The following LRRK1 variants were observed in gnomAD, a reference collection of about 807,000 sequenced individuals.
LRRK1 encodes leucine rich repeat kinase 1.
A neutral mutation model predicts 209.1 loss-of-function variants in LRRK1; 113 were observed. The observed-to-expected ratio is 0.54, with a 90% CI of 0.46 to 0.63. The LOEUF (loss-of-function observed/expected upper bound fraction) is 0.63. Among genes scored for constraint, LRRK1 ranks in the 30% least tolerant of loss-of-function variants. The pLI is 0.00. For missense variants in LRRK1, 2,284 were observed against 2,632.2 expected, an observed-to-expected ratio of 0.87 and a Z score of 2.89; for synonymous variants, 1,144 against 1,099.7, an observed-to-expected ratio of 1.04 and a Z score of -0.80.
chr15:101,032,627 T>C (rs59238701), intron 20 of LRRK1, among the ~76,000 whole-genome samples: 16,054 of 152,242 alleles, frequency 0.11, 1,330 homozygotes, highest in East Asian at 0.44. Flanking sequence ...AGAAGGTTTG[T>C]AGTTTAGCTT....
At chr15:100,973,727 C>T in intron 2 of LRRK1, 77 bp from the exon 3 acceptor site, 1 of 1,221,984 alleles carries the variant, frequency 8.2e-7, no homozygotes, top group Non-Finnish European at 1.0e-6. Context: ...CCGCCTCCTG[C>T]TGTGTTCCAC....
intron 31 of LRRK1, chr15:101,064,614 G>A (rs569280502): frequency 1.3e-4 from 19 of 151,198 alleles, no homozygotes; most frequent in South Asian, 4.1e-4. Flanking sequence ...CCCTGTCAAC[G>A]TCAGCTGAAC....
chr15:100,940,945 C>G (rs1267021980), intron 2 of LRRK1, among the ~76,000 whole-genome samples: 1 of 152,208 alleles, frequency 6.6e-6, no homozygotes, highest in Admixed American at 6.5e-5. Flanking sequence ...CTAGACCCTG[C>G]CTTGCAGAGA....
At chr15:101,046,471 T>C (rs576720565) in intron 21 of LRRK1, among the ~76,000 whole-genome samples, 10 of 152,296 alleles carry the variant, frequency 6.6e-5, no homozygotes, top group Non-Finnish European at 1.3e-4. Context: ...GAGGTTCTGA[T>C]TCAGTAGGTG....
chr15:100,980,626 T>A (rs1224278589), intron 3 of LRRK1, among the ~76,000 whole-genome samples: 2 of 152,220 alleles, frequency 1.3e-5, no homozygotes, highest in Non-Finnish European at 2.9e-5. Context: ...GGAAACTGGA[T>A]GAAGGATACT....
intron 6 of LRRK1, among the ~76,000 whole-genome samples, chr15:101,004,397 C>G (rs1451331390): frequency 6.6e-6 from 1 of 151,974 alleles, no homozygotes; most frequent in East Asian, 1.9e-4. Flanking sequence ...GATGATTGAT[C>G]TGGTAAGAAG....
At position 101,051,836 on chromosome 15, in the gene LRRK1, G is replaced by A. The variant is rs769551074; in HGVS notation, c.3565G>A (p.Asp1189Asn). 6.2e-6 allele frequency: 10 copies of A among 1,614,012 alleles called. No homozygotes were observed. The East Asian group carries it at 6.7e-5, about 11-fold the overall frequency. Reference protein sequence around the residue: ...SEKSEDVQYFDMEDCVLTAIE... With the variant: ...SEKSEDVQYFNMEDCVLTAIE... ...GAAATCAGAGGATGTGCAGTACTTC[G>A]ACATGGAAGACTGTGTCCTGACGGC... Residue 1189 changes from aspartate (D) to asparagine (N), a missense_variant, in exon 24 of 34, where the codon GAC becomes AAC. Physicochemically the swap from Asp to Asn is conservative, Grantham distance 23. Around this residue, in one of 6 missense-constraint regions of LRRK1, gnomAD observed 780 missense variants for 985.2 expected, o/e 0.79. Transcript: ENST00000388948.
At chr15:101,068,590 T>C in intron 33 of LRRK1, 81 bp from the exon 34 acceptor site, 1 of 1,427,158 alleles carries the variant, frequency 7.0e-7, no homozygotes. Flanking sequence ...TCCGCCTTCC[T>C]CAGAAGGCAC....
At position 101,076,559 on chromosome 15, in the gene LRRK1, C is replaced by T. The variant is rs1250096030; in HGVS notation, c.*7711C>T. The T allele has an allele frequency of 6.6e-6, 1 of 152,408 alleles. No individual in the cohort carries two copies. The highest frequency in any genetic ancestry group is 1.5e-5 in the Non-Finnish European group (1 of 68,218). The allele number at this position is 152,408 out of a possible 1,614,324, so 9.4% of individuals were successfully genotyped here. On this transcript the variant is annotated 3_prime_UTR_variant, in exon 34 of 34. Coordinates refer to ENST00000388948, the MANE Select transcript of LRRK1 (RefSeq NM_024652.6). Reference sequence around the variant, plus strand: ...TTCCACCAGGCCTAATGGCCACACACCAGCAAAGGCAGGCTGTGCTATAGT... The same window carrying T: ...TTCCACCAGGCCTAATGGCCACACATCAGCAAAGGCAGGCTGTGCTATAGT...
At chr15:101,044,884 C>T (rs985753180) in intron 20 of LRRK1, among the ~76,000 whole-genome samples, 2 of 152,224 alleles carry the variant, frequency 1.3e-5, no homozygotes, top group African/African-American at 4.8e-5. Context: ...AAGGACTTTT[C>T]AGATGTAAAG....
chr15:100,985,687 C>T (rs934128778), intron 4 of LRRK1, among the ~76,000 whole-genome samples: 3 of 152,210 alleles, frequency 2.0e-5, no homozygotes, highest in Non-Finnish European at 4.4e-5. Flanking sequence ...GGCTGAACCT[C>T]GTCATGGTTT....
intron 20 of LRRK1, chr15:101,043,594 C>T (rs184729218): frequency 1.4e-4 from 20 of 145,378 alleles, no homozygotes; most frequent in East Asian, 1.2e-3. Flanking sequence ...ATGTATAAAA[C>T]GTACACGTAT....
chr15:101,065,618 G>A lies in LRRK1; in HGVS notation c.5181G>A (p.Leu1727=), dbSNP rs138014754. The A allele has an allele frequency of 7.4e-5, 120 of 1,614,184 alleles. 1 individual carries two copies. In the African/African-American group the frequency reaches 1.3e-3, roughly 18 times the overall value. ...DCASLEICRR[L]EPYMAPSMVT... is the part of the protein sequence containing the mutation. ...CCTCCCTGGAGATCTGCAGGCGGCT[G>A]GAGCCCTACATGGCCCCCTCCATGG... Residue 1727 remains leucine, a synonymous_variant, in exon 32 of 34, where the codon CTG becomes CTA. Coordinates refer to ENST00000388948, the MANE Select transcript of LRRK1 (RefSeq NM_024652.6).
At position 101,065,433 on chromosome 15, in the gene LRRK1, T is replaced by G; in HGVS notation, c.4996T>G (p.Cys1666Gly). The G allele has an allele frequency of 1.2e-6, 2 of 1,614,194 alleles. No individual in the cohort carries two copies. Among genetic ancestry groups the G allele is most frequent in the South Asian group, 2.2e-5 (2 of 91,086 alleles). ...PVVRGTPKDS[C>G]SYLCSHTANR... ...GGTGCGGGGCACCCCAAAGGACAGC[T>G]GCTCCTACCTGTGCTCACACACAGC... The change falls in exon 32 of 34, where the codon TGC (cysteine) becomes GGC (glycine). Residue 1666 changes from cysteine to glycine, a missense_variant. Cys to Gly is a radical substitution (Grantham distance 159). Around this residue, in one of 6 missense-constraint regions of LRRK1, gnomAD observed 643 missense variants for 695.9 expected, o/e 0.92. Transcript: ENST00000388948.
At position 100,922,328 on chromosome 15, in the gene LRRK1, A is replaced by G. The variant is rs573671471; in HGVS notation, c.-122-2183A>G. Among the ~76,000 whole-genome samples the G allele has an allele frequency of 1.2e-3, 177 of 152,366 alleles. 1 individual carries two copies. Among genetic ancestry groups the G allele is most frequent in the African/African-American group, 4.1e-3 (172 of 41,582 alleles). ...GCCAAAATAGTAACTAGAATTTTAA[A>G]ACTGCTCCAGGGGCAGAGTCTTCCA... On this transcript the variant is annotated intron_variant, in intron 1 of 33. Coordinates refer to ENST00000388948, the MANE Select transcript of LRRK1 (RefSeq NM_024652.6).
intron 3 of LRRK1, among the ~76,000 whole-genome samples, chr15:100,975,009 A>G (rs940676203): frequency 6.6e-6 from 1 of 152,224 alleles, no homozygotes; most frequent in Non-Finnish European, 1.5e-5. Context: ...TGTTCTCAGA[A>G]GTGTAAGAGA....
At chr15:100,968,711 CTTCCTTCCTCCCT>C (rs147407994) in intron 2 of LRRK1, among the ~76,000 whole-genome samples, 82,405 of 131,892 alleles carry the variant, frequency 0.62, 26,035 homozygotes, top group Non-Finnish European at 0.7. Flanking sequence ...TCCTTCCTTC[CTTCCTTCCTCCCT>C]TCCCTTCCCT....
At chr15:101,008,801 C>T (rs1419717807) in intron 6 of LRRK1, 36 bp from the exon 7 acceptor site, 8 of 1,500,860 alleles carry the variant, frequency 5.3e-6, no homozygotes, top group Middle Eastern at 1.7e-4. Flanking sequence ...CTGAACTCAC[C>T]CTCCACATGT....
chr15:101,028,805 C>T (rs1186218029), intron 19 of LRRK1, 151 bp from the exon 20 acceptor site: 1 of 869,138 alleles, frequency 1.2e-6, no homozygotes, highest in Non-Finnish European at 1.8e-6. Flanking sequence ...GATCAGGCTG[C>T]CAGCCCACCT....
Sources: allele counts gnomAD v4.1 joint callset (sites outside exome capture counted in the v4.1 genomes callset), GRCh38; gene constraint gnomAD v4.1.1; regional missense constraint gnomAD v4.1.1; transcripts MANE v1.5; gene names NCBI Gene and HGNC (gene_info 2026-07-23, HGNC 2026-07-21).